Variants in RIMBP2 observed in about 807,000 individuals in gnomAD.
The protein encoded by RIMBP2 is RIMS-binding protein 2.
A neutral mutation model predicts 118.6 loss-of-function variants in RIMBP2; 48 were observed. The observed-to-expected ratio is 0.40, with a 90% confidence interval of 0.32 to 0.51. The LOEUF is 0.51. Among genes scored for constraint, RIMBP2 ranks in the 20% least tolerant of loss-of-function variants. RIMBP2 has a pLI of 0.41. For synonymous variants in RIMBP2, 762 were observed against 742.9 expected, an observed-to-expected ratio of 1.03 and a Z score of -0.42; for missense variants, 1,551 against 1,768.3, an observed-to-expected ratio of 0.88 and a Z score of 2.20.
intron 3 of RIMBP2, among the ~76,000 whole-genome samples, chr12:130,516,239 C>T (rs563650538): frequency 2.6e-5 from 4 of 152,318 alleles, no homozygotes; most frequent in Non-Finnish European, 4.4e-5. Flanking sequence ...CAAGACAACT[C>T]TAATTTTTAT....
At chr12:130,624,576 A>G (rs535438499) in intron 2 of RIMBP2, among the ~76,000 whole-genome samples, 1 of 152,344 alleles carries the variant, frequency 6.6e-6, no homozygotes, top group South Asian at 2.1e-4. Context: ...GGAACAGGAA[A>G]TATTTATCAG....
chr12:130,538,078 C>T (rs2054233830), intron 2 of RIMBP2, among the ~76,000 whole-genome samples: 1 of 152,084 alleles, frequency 6.6e-6, no homozygotes, highest in Admixed American at 6.5e-5. Flanking sequence ...CAAATAGGGC[C>T]TCATGCAGTC....
intron 1 of RIMBP2, among the ~76,000 whole-genome samples, chr12:130,689,811 C>G (rs899558584): frequency 6.6e-6 from 1 of 152,174 alleles, no homozygotes; most frequent in Non-Finnish European, 1.5e-5. Context: ...TCACAGATGG[C>G]GGCTTAAACA....
At chr12:130,399,594 T>G in intron 22 of RIMBP2, 85 bp downstream of exon 22, 1 of 1,481,526 alleles carries the variant, frequency 6.7e-7, no homozygotes, top group Non-Finnish European at 9.2e-7. Context: ...CGGCCCAAGA[T>G]ATAAAAATAT....
intron 1 of RIMBP2, among the ~76,000 whole-genome samples, chr12:130,643,382 A>G (rs2062709522): frequency 6.6e-6 from 1 of 152,182 alleles, no homozygotes; most frequent in South Asian, 2.1e-4. Context: ...AAGGGCAGGA[A>G]GGCGGAGCCC....
rs763987900 is a variant in RIMBP2 at position 130,511,953 on chromosome 12, G to C, written c.-126-5183C>G. 1.3e-5 allele frequency among the ~76,000 whole-genome samples: 2 copies of C among 152,246 alleles called. No individual in the cohort carries two copies. Among genetic ancestry groups the C allele is most frequent in the East Asian group, 3.9e-4 (2 of 5,160 alleles). On this transcript the variant is annotated intron_variant, in intron 3 of 22. Coordinates refer to ENST00000690449, the MANE Select transcript of RIMBP2 (RefSeq NM_001393629.1). The surrounding 1 kb of genome is among the most constrained non-coding windows in gnomAD (Gnocchi z 4.3). ...CTTCCTGAGCACAACAGTGCCCTTC[G>C]TATGAAACCCACCAAGCTCAGGCTT...
intron 2 of RIMBP2, among the ~76,000 whole-genome samples, chr12:130,524,077 G>T (rs79718012): frequency 6.6e-6 from 1 of 152,170 alleles, no homozygotes; most frequent in Non-Finnish European, 1.5e-5. Context: ...CCTCAAAGAG[G>T]TTGCCTCCAG....
rs746727309 is a variant in RIMBP2 at position 130,424,310 on chromosome 12, G to T, written c.2961C>A (p.Asp987Glu). 4.9e-6 allele frequency: 6 copies of T among 1,231,654 alleles called. No individual in the cohort carries two copies. Among genetic ancestry groups the T allele is most frequent in the Non-Finnish European group, 6.1e-6 (6 of 987,800 alleles). The allele number at this position is 1,231,654 out of a possible 1,614,324, so 76.3% of individuals were successfully genotyped here. ...GCCTCTCCGGGCCGGGCTGGGGGTC[G>T]TCGTTCCTGAGGAGGCCACCAGGGC... ...QVGPGGLLRNDDPQPGPERPP... is the reference protein window; with the variant it reads ...QVGPGGLLRNEDPQPGPERPP... The change falls in exon 16 of 23, where the codon GAC (aspartate) becomes GAA (glutamate). Residue 987 changes from aspartate to glutamate, a missense_variant. Coordinates refer to ENST00000690449, the MANE Select transcript of RIMBP2 (RefSeq NM_001393629.1). This position sits in a 1 kb window ranked among gnomAD's most constrained non-coding sequence, Gnocchi z 9.8.
At chr12:130,504,814 A>G (rs1318356557) in intron 4 of RIMBP2, among the ~76,000 whole-genome samples, 2 of 152,176 alleles carry the variant, frequency 1.3e-5, no homozygotes, top group East Asian at 3.9e-4. Context: ...ATCTGCACGG[A>G]TCTGCGCGTG....
At chr12:130,433,680 G>C (rs1245029191) in intron 14 of RIMBP2, among the ~76,000 whole-genome samples, 1 of 152,184 alleles carries the variant, frequency 6.6e-6, no homozygotes, top group Non-Finnish European at 1.5e-5. Flanking sequence ...TGACTGGAAG[G>C]AAGTCTGGCT....
intron 6 of RIMBP2, among the ~76,000 whole-genome samples, chr12:130,466,704 A>G (rs1415835726): frequency 6.6e-6 from 1 of 152,238 alleles, no homozygotes; most frequent in African/African-American, 2.4e-5. Flanking sequence ...GTGGACCTCA[A>G]GATCTTTATC....
At chr12:130,560,803 T>C (rs1029329348) in intron 2 of RIMBP2, among the ~76,000 whole-genome samples, 4 of 152,164 alleles carry the variant, frequency 2.6e-5, no homozygotes, top group African/African-American at 9.6e-5. Context: ...CAAGAGCCCA[T>C]GTCGAAATTT....
intron 7 of RIMBP2, among the ~76,000 whole-genome samples, chr12:130,454,663 G>A (rs1383511888): frequency 6.6e-6 from 1 of 152,266 alleles, no homozygotes; most frequent in African/African-American, 2.4e-5. Flanking sequence ...AGGCGGCCCT[G>A]GCTTAGTAAA....
chr12:130,639,438 C>T (rs1409009373), intron 1 of RIMBP2, among the ~76,000 whole-genome samples: 1 of 143,452 alleles, frequency 7.0e-6, no homozygotes, highest in African/African-American at 2.6e-5. Context: ...GTAATCCCAG[C>T]ACTCTGGGAG....
intron 4 of RIMBP2, among the ~76,000 whole-genome samples, chr12:130,501,323 AC>A (rs2049753992): frequency 6.6e-6 from 1 of 151,966 alleles, no homozygotes; most frequent in Non-Finnish European, 1.5e-5. Context: ...GTGACCCTCT[AC>A]AAACCAAAGC....
At chr12:130,686,020 G>A (rs1202297377) in intron 1 of RIMBP2, among the ~76,000 whole-genome samples, 1 of 152,014 alleles carries the variant, frequency 6.6e-6, no homozygotes, top group Admixed American at 6.6e-5. Context: ...TCTCCCATCT[G>A]CTGTCCGGTC....
At chr12:130,569,694 G>C (rs181173734) in intron 2 of RIMBP2, among the ~76,000 whole-genome samples, 1 of 151,974 alleles carries the variant, frequency 6.6e-6, no homozygotes, top group Non-Finnish European at 1.5e-5. Context: ...CTTCTCTCTC[G>C]CTCCTGCACT....
chr12:130,508,318 G>A (rs2050561549), intron 3 of RIMBP2, among the ~76,000 whole-genome samples: 1 of 151,564 alleles, frequency 6.6e-6, no homozygotes, highest in Non-Finnish European at 1.5e-5. Context: ...AACCTTCTGT[G>A]GTTTCCACAG....
At chr12:130,520,446 C>A (rs1172797666) in intron 2 of RIMBP2, among the ~76,000 whole-genome samples, 1 of 151,960 alleles carries the variant, frequency 6.6e-6, no homozygotes, top group East Asian at 1.9e-4. Context: ...GGGCAGATCA[C>A]CTGAGGTCAG....
Sources: allele counts gnomAD v4.1 joint callset (sites outside exome capture counted in the v4.1 genomes callset), GRCh38; gene constraint gnomAD v4.1.1; non-coding constraint Gnocchi (gnomAD v3.1); transcripts MANE v1.5; gene names NCBI Gene and HGNC (gene_info 2026-07-23, HGNC 2026-07-21).